ENTPD6: variants seen among roughly 807,000 people sequenced by gnomAD.
ENTPD6 encodes CD39 antigen-like 2.
Under a neutral mutation model 61.5 loss-of-function variants are expected in ENTPD6, and 46 were observed. That is an observed-to-expected ratio of 0.75 (90% CI 0.59 to 0.96). The LOEUF (loss-of-function observed/expected upper bound fraction) is 0.96. ENTPD6 is among the 40% of genes least tolerant of loss of function. The pLI, the probability that ENTPD6 is intolerant of heterozygous loss-of-function variation, is 0.00. For synonymous variants in ENTPD6, 252 were observed against 255.5 expected (o/e 0.99, Z 0.13); for missense variants, 612 against 629.0 (o/e 0.97, Z 0.29).
chr20:25,214,719 A>G, intron 5 of ENTPD6, 148 bp from the exon 6 acceptor site: 2 of 632,150 alleles, frequency 3.2e-6, no homozygotes, highest in Non-Finnish European at 2.9e-6. Flanking sequence ...GTGCAGTGGT[A>G]TTTACAACTA....
chr20:25,226,194 A>G lies in ENTPD6; in HGVS notation c.*597A>G, dbSNP rs1464341264. The G allele has an allele frequency of 6.5e-6, 1 of 152,710 alleles. No individual in the cohort carries two copies. Among genetic ancestry groups the G allele is most frequent in the African/African-American group, 2.4e-5 (1 of 41,456 alleles). 9.5% of individuals were successfully genotyped at this position (152,710 alleles called of 1,614,324 possible). Reference sequence around the variant, plus strand: ...TCACCCAGAGGCCTGCTCTCCTCACACATTGTGTGGTTTGGGGTTAATGAT... The same window carrying G: ...TCACCCAGAGGCCTGCTCTCCTCACGCATTGTGTGGTTTGGGGTTAATGAT... On this transcript the variant is annotated 3_prime_UTR_variant, in exon 15 of 15. Transcript: ENST00000376652.
chr20:25,209,833 C>T lies in ENTPD6; in HGVS notation c.377-16C>T. 6.2e-7 allele frequency: 1 copy of T among 1,609,090 alleles called. No homozygotes were observed. The highest frequency in any genetic ancestry group is 8.5e-7 in the Non-Finnish European group (1 of 1,175,388). Reference sequence around the variant, plus strand: ...GTATTCATAGTTGTACCCTTTTCAACATGTTTTCCCCTTAGAAACTCCCAC... The same window carrying T: ...GTATTCATAGTTGTACCCTTTTCAATATGTTTTCCCCTTAGAAACTCCCAC... On this transcript the variant is annotated splice_polypyrimidine_tract_variant and intron_variant, in intron 3 of 14. Coordinates refer to ENST00000376652, the MANE Select transcript of ENTPD6 (RefSeq NM_001247.5).
At chr20:25,219,666 T>C (rs1201708404) in intron 10 of ENTPD6, among the ~76,000 whole-genome samples, 1 of 152,174 alleles carries the variant, frequency 6.6e-6, no homozygotes, top group Non-Finnish European at 1.5e-5. Context: ...AAGGCCTTAG[T>C]GTCTGATGTG....
chr20:25,215,018 C>A, intron 6 of ENTPD6, 76 bp downstream of exon 6: 1 of 958,620 alleles, frequency 1.0e-6, no homozygotes, highest in Non-Finnish European at 1.7e-6. Flanking sequence ...TGCTTCTAAC[C>A]ATCCGCCACC....
chr20:25,208,246 G>A (rs955974869), intron 3 of ENTPD6, among the ~76,000 whole-genome samples: 9 of 152,126 alleles, frequency 5.9e-5, no homozygotes, highest in Admixed American at 1.3e-4. Context: ...CTCCATCTGC[G>A]TTATTTTTTA....
At chr20:25,213,134 A>T in intron 4 of ENTPD6, 129 bp from the exon 5 acceptor site, 1 of 1,044,314 alleles carries the variant, frequency 9.6e-7, no homozygotes, top group Non-Finnish European at 1.4e-6. Context: ...AAGCCACTTC[A>T]CTCTAGCCTG....
intron 12 of ENTPD6, 188 bp from the exon 13 acceptor site, chr20:25,223,913 C>T: frequency 2.1e-6 from 1 of 478,738 alleles, no homozygotes; most frequent in South Asian, 3.3e-5. Flanking sequence ...CCCAAACCCA[C>T]CCCACACCAC....
rs558294308 is a variant in ENTPD6, at chr20:25,222,581, A to G, written c.1046-257A>G. On this transcript the variant is annotated intron_variant, in intron 11 of 14. Coordinates refer to ENST00000376652, the MANE Select transcript of ENTPD6 (RefSeq NM_001247.5). ...CAGGCATCAGCAGCTTCCTCCTCAG[A>G]GTCCAGGTCTGCCGCTGCCTTCGTG... 1.2e-5 allele frequency: 5 copies of G among 422,912 alleles called. No individual in the cohort carries two copies. The South Asian group carries it at 1.7e-4, about 14-fold the overall frequency. The allele number at this position is 422,912 out of a possible 1,614,324, so 26.2% of individuals were successfully genotyped here. A position where few individuals can be genotyped will look rare whatever the true frequency, so the allele number is the denominator to read the frequency against.
intron 4 of ENTPD6, among the ~76,000 whole-genome samples, chr20:25,210,441 T>C (rs2091885696): frequency 7.1e-6 from 1 of 140,412 alleles, no homozygotes; most frequent in South Asian, 2.3e-4. Flanking sequence ...AGCCCAGGAG[T>C]TGAAGACCAG....
At chr20:25,202,137 G>A (rs1294339079) in intron 1 of ENTPD6, among the ~76,000 whole-genome samples, 2 of 152,198 alleles carry the variant, frequency 1.3e-5, no homozygotes, top group Non-Finnish European at 2.9e-5. Context: ...TATTTATTAA[G>A]TGGAAGTGGA....
At chr20:25,222,676 C>T (rs111399370) in intron 11 of ENTPD6, 162 bp from the exon 12 acceptor site, 44,147 of 867,924 alleles carry the variant, frequency 0.051, 1,334 homozygotes, top group Non-Finnish European at 0.062. Context: ...TTGACCTGTG[C>T]GGGGAGCAGC....
chr20:25,220,466 G>T (rs1302770294), intron 10 of ENTPD6, among the ~76,000 whole-genome samples: 3 of 151,520 alleles, frequency 2.0e-5, no homozygotes, highest in Non-Finnish European at 4.4e-5. Flanking sequence ...GGTCCTGGGG[G>T]TCTGTGCACA....
rs561229586 is a variant in ENTPD6 at position 25,224,762 on chromosome 20, A to C, written c.1244-443A>C. 4 of 173,432 alleles carry C rather than the reference A, an allele frequency of 2.3e-5. No individual in the cohort carries two copies. The South Asian group carries it at 5.9e-4, about 26-fold the overall frequency. 10.7% of individuals were successfully genotyped at this position (173,432 alleles called of 1,614,324 possible). A position where few individuals can be genotyped will look rare whatever the true frequency, so the allele number is the denominator to read the frequency against. ...TTGTGCCCATGGACACTGGGTATCC[A>C]CAACTACAGCAGGAAAAGGCTTTGA... On this transcript the variant is annotated intron_variant, in intron 13 of 14. Transcript: ENST00000376652.
chr20:25,213,028 G>T (rs566063473), intron 4 of ENTPD6, among the ~76,000 whole-genome samples: 1 of 152,228 alleles, frequency 6.6e-6, no homozygotes, highest in Non-Finnish European at 1.5e-5. Flanking sequence ...AATTAGTCGG[G>T]CATGGTGGCT....
chr20:25,215,815 A>G, intron 7 of ENTPD6, 104 bp downstream of exon 7: 1 of 1,245,814 alleles, frequency 8.0e-7, no homozygotes, highest in Non-Finnish European at 1.2e-6. Context: ...CTTTAAGATA[A>G]CCCCTCAGGG....
At chr20:25,208,727 T>C (rs1331825654) in intron 3 of ENTPD6, among the ~76,000 whole-genome samples, 1 of 152,196 alleles carries the variant, frequency 6.6e-6, no homozygotes, top group African/African-American at 2.4e-5. Context: ...GAAAATACCC[T>C]AATCTTGAGA....
At chr20:25,206,415 T>G (rs2122703127) in intron 1 of ENTPD6, 107 bp from the exon 2 acceptor site, 1 of 796,410 alleles carries the variant, frequency 1.3e-6, no homozygotes, top group East Asian at 2.5e-5. Context: ...GCTTTCATTT[T>G]GGGTATATCG....
intron 5 of ENTPD6, chr20:25,214,656 A>G (rs1019587564): frequency 9.0e-6 from 5 of 557,422 alleles, no homozygotes; most frequent in Admixed American, 3.0e-5. Flanking sequence ...TGCCAATAGC[A>G]TGATGCAAAA....
rs1301281473 is a variant in ENTPD6, at chr20:25,205,362, G to C, written c.-15-1160G>C. On this transcript the variant is annotated intron_variant, in intron 1 of 14. Coordinates refer to ENST00000376652, the MANE Select transcript of ENTPD6 (RefSeq NM_001247.5). ...TTCAGAATGAAGACACGGTGCCAGT[G>C]TGGTGGGACAAGTATTCTGGGAATG... Among the ~76,000 whole-genome samples the C allele has an allele frequency of 2.0e-5, 3 of 152,204 alleles. No individual in the cohort carries two copies. In the East Asian group the frequency reaches 5.8e-4, roughly 29 times the overall value.
Sources: gnomAD v4.1 joint callset for allele counts (sites outside exome capture counted in the v4.1 genomes callset) on GRCh38, gnomAD v4.1.1 for gene constraint, MANE v1.5 for transcripts, NCBI Gene and HGNC (gene_info 2026-07-23, HGNC 2026-07-21) for gene names.